ADAM10: variants seen among roughly 807,000 people sequenced by gnomAD.
The protein encoded by ADAM10 is ADAM metallopeptidase domain 10, also known as disintegrin and metalloproteinase domain-containing protein 10.
In ADAM10, 17 loss-of-function variants were observed where a neutral mutation model predicts 90.1. The ratio of observed to expected loss-of-function variants is 0.19; its 90% CI spans 0.13 to 0.28. ADAM10 has a LOEUF of 0.28. ADAM10 is among the 10% of genes least tolerant of loss of function. The pLI, the probability that ADAM10 is intolerant of heterozygous loss-of-function variation, is 1.00. For missense variants in ADAM10, 610 were observed against 914.3 expected (o/e 0.67, Z 4.29); for synonymous variants, 310 against 298.6 (o/e 1.04, Z -0.40).
rs569570024 is a variant in ADAM10 at position 58,686,322 on chromosome 15, C to T, written c.207-4008G>A. The T allele has an allele frequency of 1.6e-5, 10 of 612,566 alleles. No homozygotes were observed. The East Asian group carries it at 2.8e-4, about 17-fold the overall frequency. The allele number at this position is 612,566 out of a possible 1,614,324, so 37.9% of individuals were successfully genotyped here. A position where few individuals can be genotyped will look rare whatever the true frequency, so the allele number is the denominator to read the frequency against. ...AAAAGCCACTCCTTGGAAATAGGAA[C>T]AAACTATTCCTAGAATAAAGGCTAC... On this transcript the variant is annotated intron_variant, in intron 2 of 15. Coordinates refer to ENST00000260408, the MANE Select transcript of ADAM10 (RefSeq NM_001110.4).
In ADAM10 at chr15:58,725,719, T is replaced by A. The variant is rs570254236; in HGVS notation, c.56-7992A>T. Among the ~76,000 whole-genome samples, 187 of 152,092 alleles carry A rather than the reference T, an allele frequency of 1.2e-3. 2 individuals are homozygous for A. Among genetic ancestry groups the A allele is most frequent in the African/African-American group, 4.3e-3 (180 of 41,532 alleles). On this transcript the variant is annotated intron_variant, in intron 1 of 15. Coordinates refer to ENST00000260408, the MANE Select transcript of ADAM10 (RefSeq NM_001110.4). ...ATAAACAGAGGAACAAAGATAAAAC[T>A]GACAGCACACTCTATGTTAAGTCAG...
chr15:58,734,247 A>G (rs1290599035), intron 1 of ADAM10, among the ~76,000 whole-genome samples: 4 of 152,206 alleles, frequency 2.6e-5, no homozygotes, highest in African/African-American at 7.2e-5. Context: ...AGCACTTGCT[A>G]TCTGCCAGGC....
At chr15:58,619,339 A>G (rs988070798) in intron 11 of ADAM10, among the ~76,000 whole-genome samples, 19 of 152,302 alleles carry the variant, frequency 1.2e-4, no homozygotes, top group African/African-American at 4.6e-4. Context: ...AGGGTAGTGG[A>G]GAGGTGGATA....
chr15:58,720,409 T>TTTTA lies in ADAM10; in HGVS notation c.56-2683_56-2682insTAAA, dbSNP rs1567011538. 4.6e-3 allele frequency among the ~76,000 whole-genome samples: 192 copies of TTTTA among 41,356 alleles called. 2 individuals are homozygous for TTTTA. Among genetic ancestry groups the TTTTA allele is most frequent in the South Asian group, 0.043 (101 of 2,354 alleles). The allele number at this position is 41,356 out of a possible 152,430, so 27.1% of individuals were successfully genotyped here. A position where few individuals can be genotyped will look rare whatever the true frequency, so the allele number is the denominator to read the frequency against. On this transcript the variant is annotated intron_variant, in intron 1 of 15. Transcript: ENST00000260408. ...ATTTTATTTTATTTTATTTTATTTTTTTTTTTTTTGAGACAGAGTCTCGCT... is the reference window on the plus strand; with the variant it reads ...ATTTTATTTTATTTTATTTTATTTTTTTTATTTTTTTTTGAGACAGAGTCTCGCT...
At chr15:58,682,019 C>T (rs1188302578) in intron 3 of ADAM10, among the ~76,000 whole-genome samples, 177 bp downstream of exon 3, 1 of 152,090 alleles carries the variant, frequency 6.6e-6, no homozygotes, top group African/African-American at 2.4e-5. Context: ...ATTAAACATA[C>T]ATGTAAAGAT....
At chr15:58,657,437 C>T (rs939554434) in intron 5 of ADAM10, among the ~76,000 whole-genome samples, 2 of 152,154 alleles carry the variant, frequency 1.3e-5, no homozygotes, top group Admixed American at 1.3e-4. Context: ...TGTCTTCAAG[C>T]TCACTAATTC....
chr15:58,678,820 A>T (rs1897353064), intron 4 of ADAM10, among the ~76,000 whole-genome samples: 2 of 152,246 alleles, frequency 1.3e-5, no homozygotes, highest in African/African-American at 4.8e-5. Context: ...AGGTATTAGC[A>T]TTACACAGAC....
At chr15:58,703,011 C>T (rs1372124991) in intron 2 of ADAM10, among the ~76,000 whole-genome samples, 1 of 152,160 alleles carries the variant, frequency 6.6e-6, no homozygotes, top group African/African-American at 2.4e-5. Context: ...ATCTGTTTGA[C>T]AGTCCACATC....
chr15:58,685,580 A>ATATG (rs1555417915), intron 2 of ADAM10, among the ~76,000 whole-genome samples: 4 of 134,490 alleles, frequency 3.0e-5, no homozygotes, highest in African/African-American at 5.9e-5. Flanking sequence ...ATATATATAT[A>ATATG]TATGTATATA....
chr15:58,720,384 ATTTTATTTTATTTTATTTTATTTTT>A (rs1486783878), intron 1 of ADAM10, among the ~76,000 whole-genome samples: 3 of 52,866 alleles, frequency 5.7e-5, no homozygotes, highest in Non-Finnish European at 1.3e-4. Context: ...ATTTTATTTT[ATTTTATTTTATTTTATTTTATTTTT>A]TTTTTTTTTG....
chr15:58,621,584 T>G lies in ADAM10; in HGVS notation c.1398A>C (p.Glu466Asp). 1 of 1,614,144 alleles carries G rather than the reference T, an allele frequency of 6.2e-7. No homozygotes were observed. The highest frequency in any genetic ancestry group is 8.5e-7 in the Non-Finnish European group (1 of 1,180,014). ...AGCCACAATCACATTCTTCACCTTGTTCTACCATTCCATTTCCACAAATAG... is the reference window on the plus strand; with the variant it reads ...AGCCACAATCACATTCTTCACCTTGGTCTACCATTCCATTTCCACAAATAG... Reference protein sequence around the residue: ...GQPICGNGMVEQGEECDCGYS... With the variant: ...GQPICGNGMVDQGEECDCGYS... The change falls in exon 11 of 16, where the codon GAA becomes GAC. Residue 466 changes from glutamate (E) to aspartate (D), a missense_variant. Glu to Asp is a conservative substitution (Grantham distance 45). This residue lies in a region of ADAM10 where 97 missense variants were observed against 221.4 expected (regional missense o/e 0.44). Transcript: ENST00000260408.
At chr15:58,654,947 G>A (rs1896772630) in intron 5 of ADAM10, among the ~76,000 whole-genome samples, 1 of 152,108 alleles carries the variant, frequency 6.6e-6, no homozygotes, top group Non-Finnish European at 1.5e-5. Flanking sequence ...AGGTGCTGAG[G>A]AGAAAAAAAT....
At chr15:58,621,299 A>C (rs1249735039) in intron 11 of ADAM10, among the ~76,000 whole-genome samples, 172 bp downstream of exon 11, 1 of 151,108 alleles carries the variant, frequency 6.6e-6, no homozygotes, top group Non-Finnish European at 1.5e-5. Context: ...AAGTAGTTCA[A>C]TCTGCCAATA....
At position 58,643,959 on chromosome 15, in the gene ADAM10, G is replaced by T; in HGVS notation, c.755C>A (p.Ala252Glu). 1 of 1,609,932 alleles carries T rather than the reference G, an allele frequency of 6.2e-7. No homozygotes were observed. Among genetic ancestry groups the T allele is most frequent in the Non-Finnish European group, 8.5e-7 (1 of 1,176,410 alleles). Residue 252 changes from alanine to glutamate, a missense_variant, in exon 7 of 16, where the codon GCG becomes GAG. Ala to Glu is a moderately radical substitution (Grantham distance 107). Coordinates refer to ENST00000260408, the MANE Select transcript of ADAM10 (RefSeq NM_001110.4). ...VIAQISSHVKAIDTIYQTTDF... is the reference protein window; with the variant it reads ...VIAQISSHVKEIDTIYQTTDF... ...TGTGGTCTGGTAAATTGTATCAATC[G>T]CTTTAACATGACTGGATATCTATGA...
rs1330874595 is a variant in ADAM10, at chr15:58,593,732, T to C, written c.*3815A>G. ...AAAAACTAATCAGTATTTTGCTCAATGCTCCGTTTTACCTAGCATCCTGTT... is the reference window on the plus strand; with the variant it reads ...AAAAACTAATCAGTATTTTGCTCAACGCTCCGTTTTACCTAGCATCCTGTT... On this transcript the variant is annotated 3_prime_UTR_variant, in exon 16 of 16. Transcript: ENST00000260408. 1 of 152,244 alleles carries C rather than the reference T, an allele frequency of 6.6e-6. No individual in the cohort carries two copies. Among genetic ancestry groups the C allele is most frequent in the East Asian group, 1.9e-4 (1 of 5,196 alleles). 9.4% of individuals were successfully genotyped at this position (152,244 alleles called of 1,614,324 possible). A position where few individuals can be genotyped will look rare whatever the true frequency, so the allele number is the denominator to read the frequency against.
intron 2 of ADAM10, among the ~76,000 whole-genome samples, chr15:58,699,183 T>C (rs1183452775): frequency 6.6e-6 from 1 of 152,050 alleles, no homozygotes; most frequent in Non-Finnish European, 1.5e-5. Flanking sequence ...GCAGCCAAGA[T>C]TACACCCAGG....
intron 1 of ADAM10, among the ~76,000 whole-genome samples, chr15:58,720,721 T>C (rs1220673824): frequency 5.3e-5 from 8 of 152,116 alleles, no homozygotes. Context: ...CTTTTAAAAA[T>C]CAAGACTAAA....
intron 13 of ADAM10, 86 bp from the exon 14 acceptor site, chr15:58,610,603 G>C (rs757234878): frequency 4.3e-6 from 6 of 1,386,636 alleles, no homozygotes; most frequent in Admixed American, 1.9e-5. Flanking sequence ...AATACAAAGA[G>C]GGAAAAAAAA....
Position 58,594,049 on chromosome 15 carries a change from G to A in ADAM10, c.*3498C>T, listed in dbSNP as rs1407330859. Reference sequence around the variant, plus strand: ...TTGTCCTCTGTGGGGCAAACCAATTGTCTTTCTAGTTTCTAAGAAGTTGAA... The same window carrying A: ...TTGTCCTCTGTGGGGCAAACCAATTATCTTTCTAGTTTCTAAGAAGTTGAA... On this transcript the variant is annotated 3_prime_UTR_variant, in exon 16 of 16. Transcript: ENST00000260408. 1 of 152,164 alleles carries A rather than the reference G, an allele frequency of 6.6e-6. No individual in the cohort carries two copies. Among genetic ancestry groups the A allele is most frequent in the Non-Finnish European group, 1.5e-5 (1 of 68,016 alleles). 9.4% of individuals were successfully genotyped at this position (152,164 alleles called of 1,614,324 possible).
Sources: allele counts gnomAD v4.1 joint callset (sites outside exome capture counted in the v4.1 genomes callset), GRCh38; gene constraint gnomAD v4.1.1; regional missense constraint gnomAD v4.1.1; transcripts MANE v1.5; gene names NCBI Gene and HGNC (gene_info 2026-07-23, HGNC 2026-07-21).